Variants in ASH1L observed in about 807,000 individuals in gnomAD.
ASH1L encodes histone-lysine N-methyltransferase ASH1L.
In ASH1L, 23 loss-of-function variants were observed where a neutral mutation model predicts 269.0. That is an observed-to-expected ratio of 0.09 (90% confidence interval 0.06 to 0.12). The LOEUF is 0.12. Among genes scored for constraint, ASH1L ranks in the 10% least tolerant of loss-of-function variants. ASH1L has a pLI of 1.00. For synonymous variants in ASH1L, 1,187 were observed against 1,253.5 expected (o/e 0.95, Z 1.12); for missense variants, 2,912 against 3,567.8 (o/e 0.82, Z 4.68).
intron 2 of ASH1L, among the ~76,000 whole-genome samples, chr1:155,485,397 C>T (rs1448957706): frequency 6.6e-6 from 1 of 152,092 alleles, no homozygotes; most frequent in Non-Finnish European, 1.5e-5. Context: ...TAGCTCACTG[C>T]AGCCTTGAAT....
intron 6 of ASH1L, 55 bp from the exon 7 acceptor site, chr1:155,395,608 G>A: frequency 7.8e-7 from 1 of 1,286,866 alleles, no homozygotes; most frequent in South Asian, 1.3e-5. Context: ...TTCCTCCTGT[G>A]GTCAAATACA....
chr1:155,410,148 C>CA (rs928077859), intron 6 of ASH1L, among the ~76,000 whole-genome samples: 7 of 150,566 alleles, frequency 4.6e-5, no homozygotes, highest in South Asian at 2.1e-4. Context: ...GACAGGGTTT[C>CA]AAAAAAAACG....
At chr1:155,373,281 C>T (rs1482303514) in intron 10 of ASH1L, among the ~76,000 whole-genome samples, 1 of 151,188 alleles carries the variant, frequency 6.6e-6, no homozygotes, top group Non-Finnish European at 1.5e-5. Flanking sequence ...CACATCTTGT[C>T]ACTGCTTTCT....
chr1:155,550,575 GC>G (rs1371817590), intron 1 of ASH1L, among the ~76,000 whole-genome samples: 1 of 152,036 alleles, frequency 6.6e-6, no homozygotes, highest in Non-Finnish European at 1.5e-5. Flanking sequence ...TTATGCTCAT[GC>G]CCCAGATAGT....
At chr1:155,488,359 GACA>G (rs1043043162) in intron 2 of ASH1L, among the ~76,000 whole-genome samples, 11 of 151,026 alleles carry the variant, frequency 7.3e-5, no homozygotes, top group African/African-American at 2.7e-4. Context: ...AAATGAATGA[GACA>G]ACATTAAGAT....
intron 1 of ASH1L, among the ~76,000 whole-genome samples, chr1:155,530,590 G>T (rs1571079318): frequency 6.6e-6 from 1 of 151,448 alleles, no homozygotes; most frequent in Admixed American, 6.6e-5. Context: ...ACAAAAATTA[G>T]CTGGGCATGG....
At chr1:155,486,864 A>G (rs904996656) in intron 2 of ASH1L, among the ~76,000 whole-genome samples, 5 of 151,924 alleles carry the variant, frequency 3.3e-5, no homozygotes, top group African/African-American at 9.7e-5. Context: ...TTAAAAAAAA[A>G]AAAAGAAAAA....
At chr1:155,497,843 G>A (rs149253716) in intron 2 of ASH1L, among the ~76,000 whole-genome samples, 5,187 of 151,450 alleles carry the variant, frequency 0.034, 121 homozygotes, top group South Asian at 0.053. Context: ...TCCGCCTCCC[G>A]GGTTCATGCC....
At chr1:155,427,378 G>A (rs1048314068) in intron 5 of ASH1L, among the ~76,000 whole-genome samples, 1 of 151,804 alleles carries the variant, frequency 6.6e-6, no homozygotes, top group Admixed American at 6.6e-5. Context: ...CCAGATCCCG[G>A]CTCACTGCAA....
chr1:155,381,516 C>T (rs1042796458), intron 7 of ASH1L, among the ~76,000 whole-genome samples: 2 of 150,826 alleles, frequency 1.3e-5, no homozygotes, highest in Non-Finnish European at 1.5e-5. Flanking sequence ...CACCACTGCA[C>T]TCCAGCCTGG....
chr1:155,471,850 C>T (rs60568057), intron 3 of ASH1L, among the ~76,000 whole-genome samples: 7,451 of 152,274 alleles, frequency 0.049, 623 homozygotes, highest in African/African-American at 0.17. Flanking sequence ...ATGATGAACT[C>T]TGCTCTTAAC....
At chr1:155,444,807 CGGG>C (rs59252153) in intron 4 of ASH1L, among the ~76,000 whole-genome samples, 16 of 145,378 alleles carry the variant, frequency 1.1e-4, no homozygotes, top group African/African-American at 4.6e-4. Flanking sequence ...TTAGTAGAGA[CGGG>C]GTTTCACCGT....
intron 1 of ASH1L, among the ~76,000 whole-genome samples, chr1:155,526,490 C>T (rs1200719880): frequency 6.6e-6 from 1 of 152,146 alleles, no homozygotes; most frequent in African/African-American, 2.4e-5. Flanking sequence ...AAAACAATAA[C>T]ACTCAATGAT....
intron 15 of ASH1L, among the ~76,000 whole-genome samples, chr1:155,355,001 T>C (rs1018414381): frequency 2.0e-5 from 3 of 152,168 alleles, no homozygotes; most frequent in South Asian, 4.1e-4. Flanking sequence ...ACACGTAAGA[T>C]GGATACGCAC....
intron 10 of ASH1L, among the ~76,000 whole-genome samples, chr1:155,373,155 G>A (rs988927303): frequency 2.6e-5 from 4 of 151,476 alleles, no homozygotes; most frequent in Non-Finnish European, 2.9e-5. Context: ...GGACGTTGCC[G>A]TGAGCTGAGA....
At chr1:155,364,547 C>T (rs1451249148) in intron 12 of ASH1L, among the ~76,000 whole-genome samples, 1 of 152,038 alleles carries the variant, frequency 6.6e-6, no homozygotes, top group African/African-American at 2.4e-5. Context: ...TTTAATATTT[C>T]CCCTAATAAC....
intron 3 of ASH1L, among the ~76,000 whole-genome samples, chr1:155,471,524 A>C (rs1229141986): frequency 6.6e-6 from 1 of 152,214 alleles, no homozygotes; most frequent in Non-Finnish European, 1.5e-5. Context: ...GGTTCACTGG[A>C]GCTTCCAGGT....
At chr1:155,468,443 TC>T (rs1185961769) in intron 3 of ASH1L, among the ~76,000 whole-genome samples, 1 of 152,144 alleles carries the variant, frequency 6.6e-6, no homozygotes, top group Non-Finnish European at 1.5e-5. Context: ...AAGTTCCACC[TC>T]CTGAAAGTGT....
At chr1:155,498,916 G>GT (rs929874849) in intron 2 of ASH1L, among the ~76,000 whole-genome samples, 5 of 116,180 alleles carry the variant, frequency 4.3e-5, no homozygotes, top group Non-Finnish European at 8.8e-5. Flanking sequence ...GAGAACAGGA[G>GT]TAAAAAAAAA....
Sources: allele counts gnomAD v4.1 joint callset (sites outside exome capture counted in the v4.1 genomes callset), GRCh38; gene constraint gnomAD v4.1.1; transcripts MANE v1.5; gene names NCBI Gene and HGNC (gene_info 2026-07-23, HGNC 2026-07-21).